SYNE2: variants seen among roughly 807,000 people sequenced by gnomAD.
The protein encoded by SYNE2 is nesprin-2.
A neutral mutation model predicts 856.3 loss-of-function variants in SYNE2; 431 were observed. That is an observed-to-expected ratio of 0.50 (90% CI 0.47 to 0.55). SYNE2 has a LOEUF of 0.55. SYNE2 is among the 20% of genes least tolerant of loss of function. The pLI is 0.00. For missense variants in SYNE2, 8,129 were observed against 8,023.2 expected (o/e 1.01, Z -0.50); for synonymous variants, 2,923 against 2,872.3 (o/e 1.02, Z -0.56).
chr14:63,826,465 A>G (rs190675774), intron 1 of SYNE2, among the ~76,000 whole-genome samples: 1 of 152,178 alleles, frequency 6.6e-6, no homozygotes, highest in African/African-American at 2.4e-5. Flanking sequence ...ACACCCAGCT[A>G]ATTTTTTTGT....
intron 2 of SYNE2, among the ~76,000 whole-genome samples, chr14:63,933,997 G>T (rs1222682342): frequency 3.3e-5 from 5 of 152,160 alleles, no homozygotes; most frequent in Admixed American, 1.3e-4. Flanking sequence ...TGTGTCAGGG[G>T]ATAAATGGAA....
Position 63,883,527 on chromosome 14 carries a change from TA to T in SYNE2, c.-51-25570del, listed in dbSNP as rs1206796862. On this transcript the variant is annotated intron_variant, in intron 1 of 115. Transcript: ENST00000555002. ...TCCACGCCTGGCTAACTTTTTTTGG[TA>T]TTTTTTTTGTAGAGATGGGGTTTTG... Among the ~76,000 whole-genome samples, 65 of 80,828 alleles carry T rather than the reference TA, an allele frequency of 8.0e-4. 1 individual carries two copies. The highest frequency in any genetic ancestry group is 5.5e-5 in the Non-Finnish European group (2 of 36,102). 53.0% of individuals were successfully genotyped at this position (80,828 alleles called of 152,430 possible). A position where few individuals can be genotyped will look rare whatever the true frequency, so the allele number is the denominator to read the frequency against.
intron 78 of SYNE2, among the ~76,000 whole-genome samples, chr14:64,134,939 A>T (rs2098071371): frequency 6.6e-6 from 1 of 152,202 alleles, no homozygotes; most frequent in Non-Finnish European, 1.5e-5. Context: ...GTGAGCCAAG[A>T]TCATGCCATT....
At chr14:63,809,194 C>T (rs1455050188) in intron 1 of SYNE2, among the ~76,000 whole-genome samples, 1 of 151,238 alleles carries the variant, frequency 6.6e-6, no homozygotes, top group Non-Finnish European at 1.5e-5. Context: ...TTAAGATGCA[C>T]CTTTAAATAA....
At chr14:64,086,666 TTC>T (rs2097563779) in intron 57 of SYNE2, among the ~76,000 whole-genome samples, 1 of 151,934 alleles carries the variant, frequency 6.6e-6, no homozygotes, top group Non-Finnish European at 1.5e-5. Context: ...GATTTAATTT[TTC>T]TCAACAATGT....
In SYNE2 at chr14:63,902,214, C is replaced by G. The variant is rs192234242; in HGVS notation, c.-51-6884C>G. ...TTATCTGAGGTCAGGAGTTCAAGAC[C>G]AGCCTGGCCAACATGGCAAAACTCC... On this transcript the variant is annotated intron_variant, in intron 1 of 115. Coordinates refer to ENST00000555002, the MANE Select transcript of SYNE2 (RefSeq NM_182914.3). Among the ~76,000 whole-genome samples, 3 of 151,708 alleles carry G rather than the reference C, an allele frequency of 2.0e-5. No homozygotes were observed. In the East Asian group the frequency reaches 5.8e-4, roughly 29 times the overall value.
At chr14:63,942,738 G>A (rs777346066) in intron 6 of SYNE2, among the ~76,000 whole-genome samples, 34 of 151,858 alleles carry the variant, frequency 2.2e-4, no homozygotes, top group Admixed American at 2.0e-4. Flanking sequence ...CAGGTGATCC[G>A]TCCACCTCTG....
At chr14:64,219,460 C>CGCATTGCTAT in intron 110 of SYNE2, 50 bp downstream of exon 110, 1 of 1,575,638 alleles carries the variant, frequency 6.3e-7, no homozygotes. Context: ...TGCATGTGAA[C>CGCATTGCTAT]GCATTGCTAT....
chr14:64,100,531 A>T (rs61428265), intron 63 of SYNE2, among the ~76,000 whole-genome samples: 973 of 38,466 alleles, frequency 0.025, 20 homozygotes, highest in Middle Eastern at 0.04. Flanking sequence ...AAAAAAAAAA[A>T]ATATATATAT....
intron 51 of SYNE2, among the ~76,000 whole-genome samples, chr14:64,068,386 G>A (rs2097374041): frequency 6.6e-6 from 1 of 151,978 alleles, no homozygotes; most frequent in Non-Finnish European, 1.5e-5. Context: ...CTTACAGTTT[G>A]TGGCCTTTTG....
chr14:64,051,645 A>T lies in SYNE2; in HGVS notation c.7732A>T (p.Lys2578Ter). The T allele has an allele frequency of 6.2e-7, 1 of 1,614,196 alleles. No homozygotes were observed. The highest frequency in any genetic ancestry group is 8.5e-7 in the Non-Finnish European group (1 of 1,180,008). The change falls in exon 48 of 116, where the codon AAA becomes TAA. Residue 2578 changes from lysine (K) to a stop codon, truncating the protein, a stop_gained. Coordinates refer to ENST00000555002, the MANE Select transcript of SYNE2 (RefSeq NM_182914.3). LOFTEE classifies it high-confidence loss of function. Reference sequence around the variant, plus strand: ...AGAGAAAGATTCTTTAGGCAACTTGAAAATCAAATGGGAGAATTTATCAAA... The same window carrying T: ...AGAGAAAGATTCTTTAGGCAACTTGTAAATCAAATGGGAGAATTTATCAAA... ...EKEKDSLGNL[K>*]IKWENLSNHV...
intron 74 of SYNE2, among the ~76,000 whole-genome samples, chr14:64,129,059 G>A (rs773377110): frequency 3.3e-5 from 5 of 152,248 alleles, no homozygotes; most frequent in Non-Finnish European, 5.9e-5. Context: ...TGTAATCCCA[G>A]CACCTTGGGA....
chr14:63,969,491 C>G (rs1051845615), intron 11 of SYNE2, among the ~76,000 whole-genome samples: 2 of 151,454 alleles, frequency 1.3e-5, no homozygotes, highest in African/African-American at 4.9e-5. Flanking sequence ...ACAGGTGCAT[C>G]CCACCACGCC....
chr14:63,790,064 A>T (rs1022499678), intron 1 of SYNE2, among the ~76,000 whole-genome samples: 1 of 152,168 alleles, frequency 6.6e-6, no homozygotes, highest in Non-Finnish European at 1.5e-5. Flanking sequence ...AAATTAAGGG[A>T]TTGGCCGGAA....
chr14:63,863,127 A>G (rs902633793), intron 1 of SYNE2, among the ~76,000 whole-genome samples: 2 of 152,194 alleles, frequency 1.3e-5, no homozygotes, highest in South Asian at 4.1e-4. Flanking sequence ...TATGTAAATT[A>G]AGAATTCTCA....
intron 1 of SYNE2, among the ~76,000 whole-genome samples, chr14:63,840,049 A>C (rs533286357): frequency 6.6e-6 from 1 of 152,266 alleles, no homozygotes; most frequent in African/African-American, 2.4e-5. Context: ...TGGGTGGATC[A>C]CCCGAGTTCA....
intron 1 of SYNE2, among the ~76,000 whole-genome samples, chr14:63,867,206 T>C (rs1281380816): frequency 6.6e-6 from 1 of 152,162 alleles, no homozygotes; most frequent in African/African-American, 2.4e-5. Context: ...GAACTCTTAA[T>C]GGACAAGATA....
At chr14:63,954,960 A>C in intron 8 of SYNE2, 45 bp downstream of exon 8, 2 of 1,495,146 alleles carry the variant, frequency 1.3e-6, no homozygotes, top group Non-Finnish European at 1.9e-6. Context: ...AAGGCTTAGC[A>C]TGAAGTTGAT....
chr14:64,090,803 A>C lies in SYNE2; in HGVS notation c.11794-63A>C, dbSNP rs994098684. 4.2e-5 allele frequency: 60 copies of C among 1,418,738 alleles called. No homozygotes were observed. The African/African-American group carries it at 6.4e-4, about 15-fold the overall frequency. 87.9% of individuals were successfully genotyped at this position (1,418,738 alleles called of 1,614,324 possible). ...CTATACTGTATTTTAATTTTGAATA[A>C]TTAAATTTAACAGTGGCCATTGTCT... On this transcript the variant is annotated intron_variant, in intron 59 of 115. Transcript: ENST00000555002.
Sources: allele counts gnomAD v4.1 joint callset (sites outside exome capture counted in the v4.1 genomes callset), GRCh38; gene constraint gnomAD v4.1.1; transcripts MANE v1.5; gene names NCBI Gene and HGNC (gene_info 2026-07-23, HGNC 2026-07-21).